The following SLC25A46 variants were observed in gnomAD, a reference collection of about 807,000 sequenced individuals.
The protein encoded by SLC25A46 is solute carrier family 25 member 46.
In SLC25A46, 39 loss-of-function variants were observed where a neutral mutation model predicts 44.6. The observed-to-expected ratio is 0.87, with a 90% confidence interval of 0.68 to 1.14. The LOEUF (loss-of-function observed/expected upper bound fraction) is 1.14, where lower values mean the gene tolerates loss of function less well. SLC25A46 is among the 50% of genes most tolerant of loss of function. The pLI is 0.00. For missense variants in SLC25A46, 547 were observed against 522.7 expected (o/e 1.05, Z -0.45); for synonymous variants, 202 against 185.8 (o/e 1.09, Z -0.71).
In SLC25A46 at chr5:110,761,041, G is replaced by GA. The variant is rs367626482; in HGVS notation, c.679-155dup. ...CTAGCAATTTTATGAGATTTCATTTGAAAAAAAATCTGATGCCTAGATAAC... is the reference window on the plus strand; with the variant it reads ...CTAGCAATTTTATGAGATTTCATTTGAAAAAAAAATCTGATGCCTAGATAAC... On this transcript the variant is annotated intron_variant, in intron 7 of 7. Transcript: ENST00000355943. This position sits in a 1 kb window ranked among gnomAD's most constrained non-coding sequence, Gnocchi z 5.3. Among the ~76,000 whole-genome samples the GA allele has an allele frequency of 1.3e-5, 2 of 151,562 alleles. No individual in the cohort carries two copies. Among genetic ancestry groups the GA allele is most frequent in the African/African-American group, 4.9e-5 (2 of 41,228 alleles).
intron 1 of SLC25A46, among the ~76,000 whole-genome samples, chr5:110,740,768 G>A (rs996334447): frequency 1.3e-5 from 2 of 152,080 alleles, no homozygotes; most frequent in Admixed American, 6.5e-5. Flanking sequence ...TGGCTAACAC[G>A]ATGAAACCCC....
chr5:110,740,392 T>C (rs1283023724), intron 1 of SLC25A46, among the ~76,000 whole-genome samples: 3 of 152,148 alleles, frequency 2.0e-5, no homozygotes, highest in Non-Finnish European at 2.9e-5. Flanking sequence ...TGAAGAAAGA[T>C]AGATGACTTA....
intron 3 of SLC25A46, among the ~76,000 whole-genome samples, chr5:110,744,811 CT>C (rs1319901068): frequency 6.6e-6 from 1 of 152,134 alleles, no homozygotes; most frequent in Non-Finnish European, 1.5e-5. Flanking sequence ...AAAAAAGTGG[CT>C]AGTTTAGCTT....
intron 6 of SLC25A46, chr5:110,756,248 T>C (rs1166731965): frequency 6.6e-6 from 1 of 152,146 alleles, no homozygotes; most frequent in Non-Finnish European, 1.5e-5. Flanking sequence ...TTTTTTTTTT[T>C]TTTAATAATA....
chr5:110,756,804 T>G, intron 7 of SLC25A46, 45 bp downstream of exon 7: 1 of 1,365,172 alleles, frequency 7.3e-7, no homozygotes, highest in Non-Finnish European at 9.9e-7. Flanking sequence ...TAAGAATAGT[T>G]TTTTGACTAT....
rs766485450 is a variant in SLC25A46 at position 110,746,382 on chromosome 5, A to G, written c.462+36A>G. ...TGTCTGGATTCTATTAAAGGTTTAT[A>G]TAAGTGTCATTTGGGTTTAGTAATC... On this transcript the variant is annotated intron_variant, in intron 4 of 7. Transcript: ENST00000355943. 7 of 1,400,530 alleles carry G rather than the reference A, an allele frequency of 5.0e-6. No individual in the cohort carries two copies. In the African/African-American group the frequency reaches 6.1e-5, roughly 12 times the overall value. The allele number at this position is 1,400,530 out of a possible 1,614,324, so 86.8% of individuals were successfully genotyped here.
Position 110,739,418 on chromosome 5 carries a change from AC to A in SLC25A46, c.283+18del. 1 of 1,535,902 alleles carries A rather than the reference AC, an allele frequency of 6.5e-7. No individual in the cohort carries two copies. Among genetic ancestry groups the A allele is most frequent in the Non-Finnish European group, 8.7e-7 (1 of 1,147,004 alleles). ...CAGAGCAGTGGTGAGAAGCATGGGG[AC>A]CGACACAGGGATGAGGGGTTACTGG... On this transcript the variant is annotated intron_variant, in intron 1 of 7. Transcript: ENST00000355943.
rs749260310 is a variant in SLC25A46 at position 110,755,530 on chromosome 5, C to CAAA, written c.620+13_620+15dup. 2 of 1,548,598 alleles carry CAAA rather than the reference C, an allele frequency of 1.3e-6. No individual in the cohort carries two copies. The highest frequency in any genetic ancestry group is 1.7e-6 in the Non-Finnish European group (2 of 1,144,216). On this transcript the variant is annotated intron_variant, in intron 6 of 7. Transcript: ENST00000355943. ...CACCTTCTACTGAAATCGTAAGTATCAAAAAATGGCATTTTTATTGGGCAT... is the reference window on the plus strand; with the variant it reads ...CACCTTCTACTGAAATCGTAAGTATCAAAAAAAAATGGCATTTTTATTGGGCAT...
chr5:110,752,372 G>C (rs561347998), intron 5 of SLC25A46, among the ~76,000 whole-genome samples: 1 of 152,086 alleles, frequency 6.6e-6, no homozygotes, highest in East Asian at 1.9e-4. Context: ...ACCATGTGTC[G>C]TTCTACCCCC....
intron 7 of SLC25A46, 42 bp downstream of exon 7, chr5:110,756,801 A>C (rs2150416202): frequency 7.0e-7 from 1 of 1,424,634 alleles, no homozygotes; most frequent in South Asian, 1.5e-5. Flanking sequence ...ATTTAAGAAT[A>C]GTTTTTTGAC....
chr5:110,748,083 A>G (rs1799866401), intron 4 of SLC25A46, 80 bp from the exon 5 acceptor site: 3 of 919,360 alleles, frequency 3.3e-6, no homozygotes, highest in Non-Finnish European at 5.2e-6. Flanking sequence ...AAATGTCTAC[A>G]CAATATCAAG....
At chr5:110,749,863 TA>T (rs1799916557) in intron 5 of SLC25A46, among the ~76,000 whole-genome samples, 2 of 152,004 alleles carry the variant, frequency 1.3e-5, no homozygotes, top group South Asian at 4.2e-4. Context: ...TATTGGAAAT[TA>T]GAAATTTTTA....
In SLC25A46 at chr5:110,756,712, G is replaced by A. The variant is rs114859074; in HGVS notation, c.631G>A (p.Val211Met). The change falls in exon 7 of 8, where the codon GTG becomes ATG. Residue 211 changes from valine (V) to methionine (M), a missense_variant. By Grantham distance (21) the Val-to-Met change is conservative (BLOSUM62 1). Transcript: ENST00000355943. The stretch of plus-strand genomic sequence containing the variant: ...TTTTAATTTCTATAGCCTAACTTAC[G>A]TGGTGGCAATGCCTTTTTATTCAGC... ...EHLLLKSLTY[V>M]VAMPFYSASL... 4,269 of 1,572,574 alleles carry A rather than the reference G, an allele frequency of 2.7e-3. 15 individuals carry two copies. Among genetic ancestry groups the A allele is most frequent in the Middle Eastern group, 5.1e-3 (30 of 5,892 alleles).
At chr5:110,755,635 T>C (rs1434339727) in intron 6 of SLC25A46, 114 bp downstream of exon 6, 1 of 594,142 alleles carries the variant, frequency 1.7e-6, no homozygotes, top group Non-Finnish European at 2.9e-6. Flanking sequence ...AGCAGTGAAA[T>C]GTTGGTGGGA....
At chr5:110,741,336 G>A (rs190573834) in intron 1 of SLC25A46, among the ~76,000 whole-genome samples, 2 of 152,248 alleles carry the variant, frequency 1.3e-5, no homozygotes, top group African/African-American at 4.8e-5. Flanking sequence ...TAGCATTTAG[G>A]TATCCAGTAA....
intron 5 of SLC25A46, among the ~76,000 whole-genome samples, chr5:110,752,958 G>T (rs559939738): frequency 1.3e-5 from 2 of 152,086 alleles, no homozygotes; most frequent in Non-Finnish European, 2.9e-5. Flanking sequence ...TAAGAAAGGT[G>T]GTCTTGAAAA....
chr5:110,749,740 A>G (rs188655855), intron 5 of SLC25A46, among the ~76,000 whole-genome samples: 22 of 152,210 alleles, frequency 1.4e-4, no homozygotes, highest in African/African-American at 4.1e-4. Flanking sequence ...AATGATAAGC[A>G]TTGGGGTTGT....
At position 110,739,208 on chromosome 5, in the gene SLC25A46, CA is replaced by C; in HGVS notation, c.91del (p.Arg31GlyfsTer13). On this transcript the variant is annotated frameshift_variant, in exon 1 of 8. Transcript: ENST00000355943. LOFTEE classifies it high-confidence loss of function. Reference protein sequence around the residue: ...DEQGFGGAFPARSFSTGSDLG... With the variant: ...DEQGFGGAFPXRSFSTGSDLG... ...CAGGGCTTTGGCGGCGCCTTCCCTG[CA>C]AGGTCCTTCAGCACCGGGTCGGACC... 1.3e-6 allele frequency: 2 copies of C among 1,568,296 alleles called. No homozygotes were observed. Among genetic ancestry groups the C allele is most frequent in the Non-Finnish European group, 1.7e-6 (2 of 1,157,010 alleles).
chr5:110,753,217 CAG>C (rs1800013409), intron 5 of SLC25A46: 2 of 150,846 alleles, frequency 1.3e-5, no homozygotes, highest in Non-Finnish European at 2.9e-5. Context: ...GACGTGGAAA[CAG>C]AAAGTTTAGA....
Sources: gnomAD v4.1 joint callset for allele counts (sites outside exome capture counted in the v4.1 genomes callset) on GRCh38, gnomAD v4.1.1 for gene constraint, Gnocchi (gnomAD v3.1) non-coding constraint, MANE v1.5 for transcripts, NCBI Gene and HGNC (gene_info 2026-07-23, HGNC 2026-07-21) for gene names.